MMP26: variants seen among roughly 807,000 people sequenced by gnomAD.
MMP26 encodes matrix metallopeptidase 26, also known as matrix metalloproteinase-26.
In MMP26, 33 loss-of-function variants were observed where a neutral mutation model predicts 31.0. The ratio of observed to expected loss-of-function variants is 1.06; its 90% CI spans 0.81 to 1.42. The LOEUF (loss-of-function observed/expected upper bound fraction) is 1.42, where lower values mean the gene tolerates loss of function less well. Ranked by LOEUF, MMP26 falls within the 40% of genes most tolerant of loss-of-function variation. The pLI is 0.00. For missense variants in MMP26, 347 were observed against 316.1 expected, an observed-to-expected ratio of 1.10 and a Z score of -0.74; for synonymous variants, 122 against 114.9, an observed-to-expected ratio of 1.06 and a Z score of -0.40.
At chr11:4,821,023 C>T (rs992421927) in intron 2 of MMP26, among the ~76,000 whole-genome samples, 3 of 152,068 alleles carry the variant, frequency 2.0e-5, no homozygotes, top group Admixed American at 6.6e-5. Flanking sequence ...TTAGTTTGCT[C>T]AGTGTTTTAT....
intron 2 of MMP26, chr11:4,943,650 G>T: frequency 2.7e-6 from 1 of 364,196 alleles, no homozygotes; most frequent in Admixed American, 3.5e-5. Context: ...GATGTCCCCA[G>T]ACATTGCCAA....
chr11:4,885,577 C>G (rs914150338), intron 2 of MMP26, among the ~76,000 whole-genome samples: 1 of 151,890 alleles, frequency 6.6e-6, no homozygotes, highest in East Asian at 1.9e-4. Flanking sequence ...TAGGCTATAC[C>G]CTCTAGGTTT....
chr11:4,797,694 G>T (rs776095622), intron 2 of MMP26, among the ~76,000 whole-genome samples: 13 of 152,072 alleles, frequency 8.5e-5, no homozygotes, highest in Non-Finnish European at 1.9e-4. Flanking sequence ...GCAGAAATTG[G>T]CCCAAATAAA....
At chr11:4,794,575 T>A (rs1849078894) in intron 2 of MMP26, among the ~76,000 whole-genome samples, 1 of 152,198 alleles carries the variant, frequency 6.6e-6, no homozygotes, top group African/African-American at 2.4e-5. Context: ...TTGCAGCTTA[T>A]AATGCATTGC....
At chr11:4,721,325 A>G (rs913096585) in intron 1 of MMP26, among the ~76,000 whole-genome samples, 1 of 152,182 alleles carries the variant, frequency 6.6e-6, no homozygotes, top group Non-Finnish European at 1.5e-5. Context: ...TTCACAGTTC[A>G]CCAAGTATCA....
chr11:4,958,178 C>A (rs1846469883), intron 2 of MMP26, among the ~76,000 whole-genome samples: 1 of 152,204 alleles, frequency 6.6e-6, no homozygotes, highest in African/African-American at 2.4e-5. Context: ...CAGCTGGCAC[C>A]TCCTATCCCC....
At chr11:4,803,480 G>C in intron 2 of MMP26, 2 of 1,613,896 alleles carry the variant, frequency 1.2e-6, no homozygotes, top group Non-Finnish European at 1.7e-6. Flanking sequence ...TCCCCGATCT[G>C]TTTGGTTCTA....
Position 4,954,648 on chromosome 11 carries a change from T to A in MMP26, c.-144-33420T>A. The stretch of plus-strand genomic sequence containing the variant: ...TCCCATTCTCAGTATCTAGAGTGAA[T>A]AAAATAAGTCTGTGATAACGATAAA... On this transcript the variant is annotated intron_variant, in intron 2 of 7. Transcript: ENST00000380390. The A allele has an allele frequency of 8.1e-6, 5 of 616,606 alleles. 1 individual carries two copies. Among genetic ancestry groups the A allele is most frequent in the Non-Finnish European group, 1.4e-5 (5 of 358,284 alleles). The allele number at this position is 616,606 out of a possible 1,614,324, so 38.2% of individuals were successfully genotyped here.
intron 2 of MMP26, among the ~76,000 whole-genome samples, chr11:4,981,408 T>G (rs1846811922): frequency 6.6e-6 from 1 of 152,176 alleles, no homozygotes; most frequent in Non-Finnish European, 1.5e-5. Context: ...AGCATGCTAT[T>G]GTACTAAATA....
At chr11:4,956,827 C>A (rs941772925) in intron 2 of MMP26, among the ~76,000 whole-genome samples, 1 of 152,118 alleles carries the variant, frequency 6.6e-6, no homozygotes, top group Non-Finnish European at 1.5e-5. Flanking sequence ...AATTTGCAAG[C>A]CAAATATCTG....
intron 2 of MMP26, among the ~76,000 whole-genome samples, chr11:4,902,514 C>T (rs948014496): frequency 6.6e-6 from 1 of 152,086 alleles, no homozygotes; most frequent in Non-Finnish European, 1.5e-5. Context: ...CTTTATCCAA[C>T]CTTCTGTTGG....
chr11:4,759,183 C>T (rs1222712360), intron 1 of MMP26, among the ~76,000 whole-genome samples: 1 of 146,250 alleles, frequency 6.8e-6, no homozygotes, highest in Non-Finnish European at 1.5e-5. Context: ...CTCCAAGGGA[C>T]TAGTAGTTAA....
At chr11:4,870,608 C>A (rs966968244) in intron 2 of MMP26, among the ~76,000 whole-genome samples, 4 of 151,804 alleles carry the variant, frequency 2.6e-5, no homozygotes, top group African/African-American at 9.7e-5. Flanking sequence ...TGAATAGTAC[C>A]GTGGTGATGG....
At chr11:4,902,900 A>G (rs1232240907) in intron 2 of MMP26, among the ~76,000 whole-genome samples, 21 of 151,964 alleles carry the variant, frequency 1.4e-4, no homozygotes, top group Admixed American at 1.4e-3. Flanking sequence ...TATTTGAGCC[A>G]TGTTGTGTCT....
rs970544975 is a variant in MMP26 at position 4,969,397 on chromosome 11, A to C, written c.-144-18671A>C. Among the ~76,000 whole-genome samples the C allele has an allele frequency of 2.0e-5, 3 of 152,038 alleles. No individual in the cohort carries two copies. In the South Asian group the frequency reaches 6.2e-4, roughly 31 times the overall value. On this transcript the variant is annotated intron_variant, in intron 2 of 7. Transcript: ENST00000380390. The stretch of plus-strand genomic sequence containing the variant: ...CTTAACAAATATCTATTATTAATGA[A>C]ACTTAGCCTAACATTAAGGTTGCAA...
intron 2 of MMP26, chr11:4,923,872 G>A (rs757246768): frequency 6.2e-6 from 10 of 1,614,020 alleles, no homozygotes; most frequent in East Asian, 2.2e-5. Flanking sequence ...GGAGGATGAG[G>A]AGAGCACTTC....
At chr11:4,852,445 CA>C (rs1194912636) in intron 2 of MMP26, among the ~76,000 whole-genome samples, 1 of 152,048 alleles carries the variant, frequency 6.6e-6, no homozygotes. Flanking sequence ...GGCTGGGAGG[CA>C]AAATAAGCTT....
chr11:4,967,634 G>A (rs1343053869), intron 2 of MMP26, among the ~76,000 whole-genome samples: 2 of 152,102 alleles, frequency 1.3e-5, no homozygotes, highest in African/African-American at 2.4e-5. Context: ...TTAAGCTTTG[G>A]CTTCATAAAG....
At chr11:4,925,619 G>T (rs867844571) in intron 2 of MMP26, among the ~76,000 whole-genome samples, 2 of 152,240 alleles carry the variant, frequency 1.3e-5, no homozygotes, top group South Asian at 2.1e-4. Flanking sequence ...GAAAAGGAAA[G>T]ATGGGGGGTC....
Sources: gnomAD v4.1 joint callset for allele counts (sites outside exome capture counted in the v4.1 genomes callset) on GRCh38, gnomAD v4.1.1 for gene constraint, MANE v1.5 for transcripts, NCBI Gene and HGNC (gene_info 2026-07-23, HGNC 2026-07-21) for gene names.